ST3GAL4: variants seen among roughly 807,000 people sequenced by gnomAD.
ST3GAL4 encodes CMP-N-acetylneuraminate-beta-galactosamide-alpha-2,3-sialyltransferase 4.
In ST3GAL4, 24 loss-of-function variants were observed where a neutral mutation model predicts 42.6. That is an observed-to-expected ratio of 0.56 (90% CI 0.41 to 0.79). The LOEUF is 0.79. Ranked by LOEUF, ST3GAL4 falls within the 30% of genes least tolerant of loss-of-function variation. ST3GAL4 has a pLI of 0.00. For synonymous variants in ST3GAL4, 135 were observed against 163.2 expected, an observed-to-expected ratio of 0.83 and a Z score of 1.32; for missense variants, 311 against 430.8, an observed-to-expected ratio of 0.72 and a Z score of 2.46.
rs929489896 is a variant in ST3GAL4, at chr11:126,384,034, A to G, written c.-60-22062A>G. On this transcript the variant is annotated intron_variant, in intron 1 of 10. Transcript: ENST00000444328. This position sits in a 1 kb window ranked among gnomAD's most constrained non-coding sequence, Gnocchi z 5.5. ...GGCCCTGCCCCACTCTCCCTTCCCA[A>G]TGCAGGGCCCTCTCCTCTGGCGAGC... 2.0e-5 allele frequency among the ~76,000 whole-genome samples: 3 copies of G among 151,952 alleles called. No homozygotes were observed. Among genetic ancestry groups the G allele is most frequent in the South Asian group, 2.1e-4 (1 of 4,812 alleles).
At position 126,408,172 on chromosome 11, in the gene ST3GAL4, A is replaced by G. The variant is rs1342088955; in HGVS notation, c.415A>G (p.Asn139Asp). ...LRNSSLGDAI[N>D]KYDVVIRLNN... ...GAACAGCTCACTGGGAGATGCCATC[A>G]ACAAGTACGATGTGGTCATCAGGTG... The change falls in exon 7 of 11, where the codon AAC (asparagine) becomes GAC (aspartate). Residue 139 changes from asparagine (N) to aspartate (D), a missense_variant. By Grantham distance (23) the Asn-to-Asp change is conservative (BLOSUM62 1). Transcript: ENST00000444328. 2 of 1,614,162 alleles carry G rather than the reference A, an allele frequency of 1.2e-6. No homozygotes were observed. The highest frequency in any genetic ancestry group is 1.7e-5 in the Admixed American group (1 of 60,016).
intron 1 of ST3GAL4, among the ~76,000 whole-genome samples, chr11:126,357,152 G>A (rs545508527): frequency 1.3e-5 from 2 of 152,152 alleles, no homozygotes; most frequent in African/African-American, 4.8e-5. Flanking sequence ...TTTGCTTGCT[G>A]AGAGCTGGTC....
rs1035651838 is a variant in ST3GAL4, at chr11:126,396,639, T to C, written c.-60-9457T>C. On this transcript the variant is annotated intron_variant, in intron 1 of 10. Coordinates refer to ENST00000444328, the MANE Select transcript of ST3GAL4 (RefSeq NM_001254757.2). The surrounding 1 kb of genome is among the most constrained non-coding windows in gnomAD (Gnocchi z 5.8). ...ATGTGCTTGAGACCCCTTCCCCTAA[T>C]TGCTGTGTAGGGCAGGGGTGGACAT... Among the ~76,000 whole-genome samples, 3 of 151,654 alleles carry C rather than the reference T, an allele frequency of 2.0e-5. No homozygotes were observed. The highest frequency in any genetic ancestry group is 7.3e-5 in the African/African-American group (3 of 41,076).
chr11:126,400,530 G>C lies in ST3GAL4; in HGVS notation c.-60-5566G>C, dbSNP rs1297659018. ...AAAAGGTGGCTCCCTTAGTGTGCTT[G>C]GGAGGAGGGTAAGAGATGCGTTTGC... is the stretch of plus-strand genomic sequence containing the variant. On this transcript the variant is annotated intron_variant, in intron 1 of 10. Coordinates refer to ENST00000444328, the MANE Select transcript of ST3GAL4 (RefSeq NM_001254757.2). This position sits in a 1 kb window ranked among gnomAD's most constrained non-coding sequence, Gnocchi z 4.6. Among the ~76,000 whole-genome samples the C allele has an allele frequency of 1.3e-5, 2 of 152,200 alleles. No individual in the cohort carries two copies. The highest frequency in any genetic ancestry group is 1.5e-5 in the Non-Finnish European group (1 of 68,026).
intron 1 of ST3GAL4, among the ~76,000 whole-genome samples, chr11:126,381,969 C>T (rs1397624173): frequency 6.6e-6 from 1 of 151,962 alleles, no homozygotes; most frequent in African/African-American, 2.4e-5. Context: ...TGGTCCCGGG[C>T]CCCCTCCCAG....
At chr11:126,372,562 A>G (rs1565398449) in intron 1 of ST3GAL4, among the ~76,000 whole-genome samples, 1 of 151,672 alleles carries the variant, frequency 6.6e-6, no homozygotes, top group Non-Finnish European at 1.5e-5. Context: ...GATTACACGC[A>G]TGCACCACCA....
rs530906349 is a variant in ST3GAL4 at position 126,400,329 on chromosome 11, G to A, written c.-60-5767G>A. ...TAAGGAACCCAGTTCCACAGTAATGGCATTAACCCATCCATGAGAGCAGAG... is the reference window on the plus strand; with the variant it reads ...TAAGGAACCCAGTTCCACAGTAATGACATTAACCCATCCATGAGAGCAGAG... On this transcript the variant is annotated intron_variant, in intron 1 of 10. Coordinates refer to ENST00000444328, the MANE Select transcript of ST3GAL4 (RefSeq NM_001254757.2). This position sits in a 1 kb window ranked among gnomAD's most constrained non-coding sequence, Gnocchi z 4.6. Among the ~76,000 whole-genome samples the A allele has an allele frequency of 6.6e-6, 1 of 152,280 alleles. No homozygotes were observed. Among genetic ancestry groups the A allele is most frequent in the South Asian group, 2.1e-4 (1 of 4,824 alleles).
At chr11:126,402,781 T>TCCC (rs1340599384) in intron 1 of ST3GAL4, among the ~76,000 whole-genome samples, 1 of 152,114 alleles carries the variant, frequency 6.6e-6, no homozygotes, top group Non-Finnish European at 1.5e-5. Flanking sequence ...CTTCACCTTG[T>TCCC]CCCCCAGTTC....
intron 1 of ST3GAL4, among the ~76,000 whole-genome samples, chr11:126,399,882 A>G (rs1043242885): frequency 5.3e-5 from 8 of 152,156 alleles, no homozygotes; most frequent in Non-Finnish European, 1.0e-4. Context: ...CCTCATCAGA[A>G]TGGCCTTCAC....
chr11:126,372,144 A>G (rs542908407), intron 1 of ST3GAL4, among the ~76,000 whole-genome samples: 1 of 152,302 alleles, frequency 6.6e-6, no homozygotes, highest in African/African-American at 2.4e-5. Flanking sequence ...ATGTGCTACC[A>G]TCCCGCCATC....
At position 126,410,520 on chromosome 11, in the gene ST3GAL4, G is replaced by T. The variant is rs180822628; in HGVS notation, c.771+1109G>T. On this transcript the variant is annotated intron_variant, in intron 9 of 10. Coordinates refer to ENST00000444328, the MANE Select transcript of ST3GAL4 (RefSeq NM_001254757.2). This position sits in a 1 kb window ranked among gnomAD's most constrained non-coding sequence, Gnocchi z 5.3. ...ATAATATCCATAATGACCTTTTAAG[G>T]CTGTTGTAGGAGTTTGAAAAATAAT... Among the ~76,000 whole-genome samples the T allele has an allele frequency of 2.0e-5, 3 of 152,300 alleles. No homozygotes were observed. In the East Asian group the frequency reaches 5.8e-4, roughly 29 times the overall value.
intron 1 of ST3GAL4, among the ~76,000 whole-genome samples, chr11:126,372,999 G>GT (rs1184764919): frequency 2.6e-5 from 4 of 152,132 alleles, no homozygotes; most frequent in Non-Finnish European, 5.9e-5. Context: ...TTGCTTCCAT[G>GT]TTTTTTCTCA....
Position 126,408,306 on chromosome 11 carries a change from G to T in ST3GAL4, c.438-1G>T. 6.2e-7 allele frequency: 1 copy of T among 1,613,952 alleles called. No homozygotes were observed. The highest frequency in any genetic ancestry group is 8.5e-7 in the Non-Finnish European group (1 of 1,179,830). On this transcript the variant is annotated splice_acceptor_variant, in intron 7 of 10. Coordinates refer to ENST00000444328, the MANE Select transcript of ST3GAL4 (RefSeq NM_001254757.2). LOFTEE classifies it high-confidence loss of function. ...ATGGGAATCCTCCTCCCAACCCCCA[G>T]ATTGAACAATGCCCCAGTGGCTGGC...
intron 1 of ST3GAL4, among the ~76,000 whole-genome samples, chr11:126,362,425 T>C (rs1952275480): frequency 6.6e-6 from 1 of 152,252 alleles, no homozygotes; most frequent in South Asian, 2.1e-4. Context: ...GGTCTCGAAC[T>C]CCTGACCTCA....
Position 126,366,745 on chromosome 11 carries a change from A to C in ST3GAL4, c.-61+10903A>C, listed in dbSNP as rs542643761. ...CCAGGCTGACCATGGTGTCCGTCTC[A>C]GTGCCCAGCAGATGTTCTGGTGAGG... On this transcript the variant is annotated intron_variant, in intron 1 of 10. Coordinates refer to ENST00000444328, the MANE Select transcript of ST3GAL4 (RefSeq NM_001254757.2). This position sits in a 1 kb window ranked among gnomAD's most constrained non-coding sequence, Gnocchi z 4.2. Among the ~76,000 whole-genome samples the C allele has an allele frequency of 5.9e-5, 9 of 152,298 alleles. No individual in the cohort carries two copies. The East Asian group carries it at 1.2e-3, about 20-fold the overall frequency.
In ST3GAL4 at chr11:126,414,164, G is replaced by A; in HGVS notation, c.*117G>A. ...CCACTTGGACTCACCCCCTCTTGGG[G>A]AGGGAGTTCTGGGCCTGGCCAGGTC... On this transcript the variant is annotated 3_prime_UTR_variant, in exon 11 of 11. Coordinates refer to ENST00000444328, the MANE Select transcript of ST3GAL4 (RefSeq NM_001254757.2). 1 of 1,001,816 alleles carries A rather than the reference G, an allele frequency of 1.0e-6. No homozygotes were observed. Among genetic ancestry groups the A allele is most frequent in the Non-Finnish European group, 1.6e-6 (1 of 638,084 alleles). 62.1% of individuals were successfully genotyped at this position (1,001,816 alleles called of 1,614,324 possible).
At position 126,410,989 on chromosome 11, in the gene ST3GAL4, C is replaced by T. The variant is rs909122102; in HGVS notation, c.771+1578C>T. Among the ~76,000 whole-genome samples the T allele has an allele frequency of 1.3e-5, 2 of 152,142 alleles. No homozygotes were observed. Among genetic ancestry groups the T allele is most frequent in the East Asian group, 1.9e-4 (1 of 5,186 alleles). On this transcript the variant is annotated intron_variant, in intron 9 of 10. Transcript: ENST00000444328. This position sits in a 1 kb window ranked among gnomAD's most constrained non-coding sequence, Gnocchi z 5.3. ...CGGCTCCTCCAGCACTGAACTGTTT[C>T]CAGTACAAGTGGCGTTGAAGGGCAA...
In ST3GAL4 at chr11:126,359,758, TCCTTCCCC is replaced by T. The variant is rs1201563007; in HGVS notation, c.-61+3917_-61+3924del. Among the ~76,000 whole-genome samples the T allele has an allele frequency of 2.6e-4, 38 of 144,228 alleles. No homozygotes were observed. Among genetic ancestry groups the T allele is most frequent in the African/African-American group, 8.9e-4 (34 of 38,106 alleles). 94.6% of individuals were successfully genotyped at this position (144,228 alleles called of 152,430 possible). A position where few individuals can be genotyped will look rare whatever the true frequency, so the allele number is the denominator to read the frequency against. ...CTCCTTCCCTCCTTCCCTCCTTCCC[TCCTTCCCC>T]GTGGGCCCTCCCAGCCTCCCCAGCC... On this transcript the variant is annotated intron_variant, in intron 1 of 10. Transcript: ENST00000444328. This position sits in a 1 kb window ranked among gnomAD's most constrained non-coding sequence, Gnocchi z 4.8.
At position 126,371,163 on chromosome 11, in the gene ST3GAL4, C is replaced by CTTTTTTTTTTTTTT. The variant is rs551443393; in HGVS notation, c.-61+15327_-61+15340dup. ...ATCTATTCTATTCTTCCCCACATTC[C>CTTTTTTTTTTTTTT]TTTTTTTTTTTTTTTTTTTGAGATG... is the stretch of plus-strand genomic sequence containing the variant. On this transcript the variant is annotated intron_variant, in intron 1 of 10. Transcript: ENST00000444328. Among the ~76,000 whole-genome samples, 196 of 59,964 alleles carry CTTTTTTTTTTTTTT rather than the reference C, an allele frequency of 3.3e-3. 52 individuals are homozygous for CTTTTTTTTTTTTTT. Among genetic ancestry groups the CTTTTTTTTTTTTTT allele is most frequent in the African/African-American group, 6.1e-3 (86 of 14,166 alleles). The allele number at this position is 59,964 out of a possible 152,430, so 39.3% of individuals were successfully genotyped here.
Sources: allele counts gnomAD v4.1 joint callset (sites outside exome capture counted in the v4.1 genomes callset), GRCh38; gene constraint gnomAD v4.1.1; non-coding constraint Gnocchi (gnomAD v3.1); transcripts MANE v1.5; gene names NCBI Gene and HGNC (gene_info 2026-07-23, HGNC 2026-07-21).